Variants in PLXDC2 observed in about 807,000 individuals in gnomAD.
The protein encoded by PLXDC2 is plexin domain containing 2.
In PLXDC2, 40 loss-of-function variants were observed where a neutral mutation model predicts 68.9. The observed-to-expected ratio is 0.58, with a 90% CI of 0.45 to 0.76. The LOEUF is 0.76. Ranked by LOEUF, PLXDC2 falls within the 30% of genes least tolerant of loss-of-function variation. The pLI, the probability that PLXDC2 is intolerant of heterozygous loss-of-function variation, is 0.00. For missense variants in PLXDC2, 644 were observed against 661.9 expected (o/e 0.97, Z 0.30); for synonymous variants, 243 against 234.2 (o/e 1.04, Z -0.34).
intron 12 of PLXDC2, among the ~76,000 whole-genome samples, chr10:20,224,499 T>G (rs1323478360): frequency 2.6e-5 from 4 of 152,208 alleles, no homozygotes; most frequent in African/African-American, 4.8e-5. Flanking sequence ...TGCTTCCAAG[T>G]GGCATTCACT....
chr10:20,255,045 A>G (rs1835724288), intron 13 of PLXDC2, among the ~76,000 whole-genome samples: 1 of 152,154 alleles, frequency 6.6e-6, no homozygotes, highest in South Asian at 2.1e-4. Context: ...TTCATTGGGG[A>G]GAATTACTGA....
intron 2 of PLXDC2, among the ~76,000 whole-genome samples, chr10:20,018,348 C>G (rs981625988): frequency 1.3e-5 from 2 of 152,122 alleles, no homozygotes; most frequent in Non-Finnish European, 2.9e-5. Flanking sequence ...GATATATATT[C>G]CAGACTTCTT....
rs562622588 is a variant in PLXDC2, at chr10:20,040,147, A to T, written c.325-6722A>T. On this transcript the variant is annotated intron_variant, in intron 2 of 13. Transcript: ENST00000377252. Reference sequence around the variant, plus strand: ...TAAGCAGAAATCAGCTCTGGAAAACAAGAAACAGATGACTCATTCCTTTAT... The same window carrying T: ...TAAGCAGAAATCAGCTCTGGAAAACTAGAAACAGATGACTCATTCCTTTAT... Among the ~76,000 whole-genome samples the T allele has an allele frequency of 3.3e-5, 5 of 152,220 alleles. No individual in the cohort carries two copies. The East Asian group carries it at 9.7e-4, about 29-fold the overall frequency.
At chr10:20,204,731 C>T (rs1834967401) in intron 9 of PLXDC2, among the ~76,000 whole-genome samples, 1 of 152,164 alleles carries the variant, frequency 6.6e-6, no homozygotes, top group Non-Finnish European at 1.5e-5. Flanking sequence ...CAGCCACACC[C>T]AATGTGTTTA....
chr10:20,082,076 A>G (rs12781904), intron 4 of PLXDC2, among the ~76,000 whole-genome samples: 1 of 149,730 alleles, frequency 6.7e-6, no homozygotes. Context: ...AAAAAAAAAA[A>G]CAGGAGAAGT....
At chr10:20,002,260 C>CTT (rs34210865) in intron 2 of PLXDC2, among the ~76,000 whole-genome samples, 14,738 of 138,276 alleles carry the variant, frequency 0.11, 923 homozygotes, top group Admixed American at 0.16. Flanking sequence ...TGTGTAAGAG[C>CTT]TTTTTTTTTT....
chr10:19,940,036 A>T (rs1358605742), intron 1 of PLXDC2, among the ~76,000 whole-genome samples: 1 of 151,856 alleles, frequency 6.6e-6, no homozygotes, highest in African/African-American at 2.4e-5. Flanking sequence ...GCTTGAATAA[A>T]TTCAAATTTT....
intron 13 of PLXDC2, among the ~76,000 whole-genome samples, chr10:20,263,444 C>T (rs935376173): frequency 7.9e-5 from 12 of 152,018 alleles, no homozygotes; most frequent in South Asian, 2.1e-4. Context: ...GACATAGAAA[C>T]GGGCAAAGGT....
chr10:19,880,726 C>A (rs2131350363), intron 1 of PLXDC2, among the ~76,000 whole-genome samples: 1 of 152,234 alleles, frequency 6.6e-6, no homozygotes, highest in East Asian at 1.9e-4. Flanking sequence ...TTTCATTATT[C>A]TTTTTCCATT....
At chr10:19,862,825 C>T (rs1235680822) in intron 1 of PLXDC2, among the ~76,000 whole-genome samples, 4 of 152,104 alleles carry the variant, frequency 2.6e-5, no homozygotes, top group Admixed American at 6.5e-5. Context: ...TTTTCATTGC[C>T]GTGAGTCCCC....
chr10:20,132,973 T>C (rs1366436143), intron 4 of PLXDC2, among the ~76,000 whole-genome samples: 1 of 152,146 alleles, frequency 6.6e-6, no homozygotes, highest in African/African-American at 2.4e-5. Context: ...TTAACTTCTT[T>C]ATCTTTATGT....
chr10:20,001,979 A>G lies in PLXDC2; in HGVS notation c.317A>G (p.Gln106Arg), dbSNP rs1367212508. 7 of 1,611,188 alleles carry G rather than the reference A, an allele frequency of 4.3e-6. No individual in the cohort carries two copies. Among genetic ancestry groups the G allele is most frequent in the Non-Finnish European group, 5.1e-6 (6 of 1,179,498 alleles). The change falls in exon 2 of 14, where the codon CAG becomes CGG. Residue 106 changes from glutamine (Q) to arginine (R), a missense_variant. Physicochemically the swap from Gln to Arg is conservative, Grantham distance 43 (BLOSUM62 1). Around this residue, in one of 3 missense-constraint regions of PLXDC2, gnomAD observed 201 missense variants for 166.9 expected, o/e 1.20. Transcript: ENST00000377252. ...GATGATGGGCAGGACAATAACACTC[A>G]GATCGAGGTAGATAAATAGTCTGGG... ...LLDDGQDNNTQIEEDTDHNYY... is the reference protein window; with the variant it reads ...LLDDGQDNNTRIEEDTDHNYY...
rs1409803779 is a variant in PLXDC2, at chr10:19,975,755, AG to A, written c.113-26019del. Among the ~76,000 whole-genome samples, 6 of 152,236 alleles carry A rather than the reference AG, an allele frequency of 3.9e-5. No homozygotes were observed. In the East Asian group the frequency reaches 1.2e-3, roughly 30 times the overall value. ...ATGTCCTCTAATAGTTTCCTGGAAA[AG>A]AATATTTTGGACTGAGATGGGTGGA... On this transcript the variant is annotated intron_variant, in intron 1 of 13. Transcript: ENST00000377252.
intron 1 of PLXDC2, among the ~76,000 whole-genome samples, chr10:19,863,714 A>AT (rs1283398094): frequency 7.2e-5 from 11 of 152,188 alleles, no homozygotes; most frequent in African/African-American, 4.8e-5. Flanking sequence ...ATTAACAAGC[A>AT]TTTTTTTATG....
intron 9 of PLXDC2, among the ~76,000 whole-genome samples, chr10:20,205,477 G>A (rs963851985): frequency 6.6e-6 from 1 of 152,092 alleles, no homozygotes; most frequent in Non-Finnish European, 1.5e-5. Context: ...TGGCCCATAT[G>A]TGAGAGCAAC....
intron 6 of PLXDC2, among the ~76,000 whole-genome samples, chr10:20,162,532 A>T (rs1449373944): frequency 4.6e-5 from 7 of 152,168 alleles, no homozygotes; most frequent in African/African-American, 1.7e-4. Context: ...CTATTAATAG[A>T]TTCTGCTTAA....
intron 2 of PLXDC2, among the ~76,000 whole-genome samples, chr10:20,003,871 A>C (rs1834981795): frequency 6.6e-6 from 1 of 152,190 alleles, no homozygotes; most frequent in African/African-American, 2.4e-5. Context: ...GACTACTGCC[A>C]AGGCTGTGGT....
intron 4 of PLXDC2, among the ~76,000 whole-genome samples, chr10:20,124,627 AAG>A (rs1189026560): frequency 2.0e-5 from 3 of 152,030 alleles, no homozygotes; most frequent in Admixed American, 6.6e-5. Context: ...TGAGTCCGAA[AAG>A]AGAGTCAGCG....
At chr10:19,986,658 G>A (rs1022708723) in intron 1 of PLXDC2, among the ~76,000 whole-genome samples, 1 of 152,198 alleles carries the variant, frequency 6.6e-6, no homozygotes, top group Admixed American at 6.5e-5. Flanking sequence ...CTCCAGAGCA[G>A]TGTTTTGGGA....
Sources: gnomAD v4.1 joint callset for allele counts (sites outside exome capture counted in the v4.1 genomes callset) on GRCh38, gnomAD v4.1.1 for gene constraint, gnomAD v4.1.1 regional missense constraint, MANE v1.5 for transcripts, NCBI Gene and HGNC (gene_info 2026-07-23, HGNC 2026-07-21) for gene names.